CDON: variants seen among roughly 807,000 people sequenced by gnomAD.
CDON encodes cell adhesion associated, oncogene regulated.
A neutral mutation model predicts 120.9 loss-of-function variants in CDON; 73 were observed. That is an observed-to-expected ratio of 0.60 (90% CI 0.50 to 0.73). The LOEUF (loss-of-function observed/expected upper bound fraction) is 0.73. CDON is among the 30% of genes least tolerant of loss of function. The pLI is 0.00. For synonymous variants in CDON, 566 were observed against 573.5 expected, an observed-to-expected ratio of 0.99 and a Z score of 0.19; for missense variants, 1,470 against 1,587.3, an observed-to-expected ratio of 0.93 and a Z score of 1.26.
intron 1 of CDON, among the ~76,000 whole-genome samples, chr11:126,046,823 C>T (rs1948418581): frequency 6.6e-6 from 1 of 152,206 alleles, no homozygotes; most frequent in African/African-American, 2.4e-5. Flanking sequence ...GGTGACCCCA[C>T]TTCTACTCTA....
intron 16 of CDON, among the ~76,000 whole-genome samples, chr11:125,981,747 T>G (rs893134322): frequency 1.6e-4 from 25 of 152,004 alleles, no homozygotes; most frequent in African/African-American, 5.3e-4. Context: ...TAGGAAAAAG[T>G]GCTTAAACTC....
At chr11:126,037,989 GA>G (rs1050249912) in intron 1 of CDON, among the ~76,000 whole-genome samples, 1 of 151,956 alleles carries the variant, frequency 6.6e-6, no homozygotes, top group Non-Finnish European at 1.5e-5. Context: ...AGGAAAGGGG[GA>G]AAAAACAGCA....
Position 126,006,787 on chromosome 11 carries a change from C to A in CDON, c.1553-730G>T, listed in dbSNP as rs1347689359. The stretch of plus-strand genomic sequence containing the variant: ...ATACAGAGGAAGATAAAAATAATTT[C>A]TTTGCACTGAAAAAAAAAATAGGTT... On this transcript the variant is annotated intron_variant, in intron 8 of 19. Coordinates refer to ENST00000531738, the MANE Select transcript of CDON (RefSeq NM_001378964.1). Among the ~76,000 whole-genome samples the A allele has an allele frequency of 4.1e-5, 6 of 148,064 alleles. No individual in the cohort carries two copies. The East Asian group carries it at 6.0e-4, about 15-fold the overall frequency.
intron 10 of CDON, among the ~76,000 whole-genome samples, chr11:126,003,235 G>T (rs1045138765): frequency 6.6e-6 from 1 of 152,144 alleles, no homozygotes; most frequent in Non-Finnish European, 1.5e-5. Flanking sequence ...CATGTAAAAG[G>T]CATTCAATAA....
chr11:126,005,928 C>T lies in CDON; in HGVS notation c.1682G>A (p.Ser561Asn). 1.2e-6 allele frequency: 2 copies of T among 1,614,140 alleles called. No homozygotes were observed. Among genetic ancestry groups the T allele is most frequent in the Non-Finnish European group, 1.7e-6 (2 of 1,180,012 alleles). Residue 561 changes from serine to asparagine, a missense_variant, in exon 9 of 20, where the codon AGT becomes AAT. Ser to Asn is a conservative substitution (Grantham distance 46). Transcript: ENST00000531738. ...LSSFPVKVHP[S>N]AVESAPEKNA... ...TTTCTCTGGTGCTGATTCCACTGCA[C>T]TGGGATGGACCTTCACCGGAAATGA...
chr11:126,011,535 T>C (rs1349812097), intron 7 of CDON, among the ~76,000 whole-genome samples: 2 of 152,250 alleles, frequency 1.3e-5, no homozygotes. Context: ...ATTTTCCTCC[T>C]CTGTGAAATG....
At chr11:126,037,385 C>T (rs1259336282) in intron 1 of CDON, among the ~76,000 whole-genome samples, 2 of 152,106 alleles carry the variant, frequency 1.3e-5, no homozygotes, top group African/African-American at 4.8e-5. Context: ...CAGGCGTGAC[C>T]CACTGCACCC....
At chr11:126,025,974 C>G (rs1041719776) in intron 1 of CDON, among the ~76,000 whole-genome samples, 1 of 152,116 alleles carries the variant, frequency 6.6e-6, no homozygotes, top group African/African-American at 2.4e-5. Flanking sequence ...ACCACAGCAC[C>G]CAATACTCTC....
chr11:125,968,784 T>C (rs1419658209), intron 18 of CDON, among the ~76,000 whole-genome samples: 2 of 152,228 alleles, frequency 1.3e-5, no homozygotes, highest in Non-Finnish European at 2.9e-5. Context: ...CACTGAATCT[T>C]AACTCATAAT....
Position 126,019,689 on chromosome 11 carries a change from C to T in CDON, c.426G>A (p.Arg142=). The part of the protein sequence containing the change: ...EEKSAGFIGC[R]VPESNPKAEV... ...CAGCTTTGGGGTTACTCTCCGGTAC[C>T]CTGCAGCCAATGAAACCAGCACTTT... Residue 142 remains arginine, a synonymous_variant, in exon 4 of 20, where the codon AGG becomes AGA. Transcript: ENST00000531738. The T allele has an allele frequency of 6.2e-7, 1 of 1,614,064 alleles. No homozygotes were observed. Among genetic ancestry groups the T allele is most frequent in the Non-Finnish European group, 8.5e-7 (1 of 1,179,974 alleles).
At position 125,959,179 on chromosome 11, in the gene CDON, G is replaced by A. The variant is rs1945571596; in HGVS notation, c.*1763C>T. The A allele has an allele frequency of 6.6e-6, 1 of 152,128 alleles. No individual in the cohort carries two copies. The highest frequency in any genetic ancestry group is 2.1e-4 in the South Asian group (1 of 4,820). 9.4% of individuals were successfully genotyped at this position (152,128 alleles called of 1,614,324 possible). A position where few individuals can be genotyped will look rare whatever the true frequency, so the allele number is the denominator to read the frequency against. On this transcript the variant is annotated 3_prime_UTR_variant, in exon 20 of 20. Coordinates refer to ENST00000531738, the MANE Select transcript of CDON (RefSeq NM_001378964.1). ...TTAAACAAGCACATTTTCACTAACAGTTCTATTATAAAATATATAGACATA... is the reference window on the plus strand; with the variant it reads ...TTAAACAAGCACATTTTCACTAACAATTCTATTATAAAATATATAGACATA...
intron 9 of CDON, chr11:126,005,318 ACAAACAAAC>A (rs1947086394): frequency 3.9e-5 from 1 of 25,474 alleles, no homozygotes; most frequent in African/African-American, 1.4e-4. Context: ...AAAAAAAAAA[ACAAACAAAC>A]AAACAAAAAA....
At position 126,015,456 on chromosome 11, in the gene CDON, G is replaced by A. The variant is rs897565171; in HGVS notation, c.983C>T (p.Thr328Ile). The A allele has an allele frequency of 1.2e-6, 2 of 1,613,752 alleles. No homozygotes were observed. Among genetic ancestry groups the A allele is most frequent in the Non-Finnish European group, 1.7e-6 (2 of 1,179,774 alleles). Residue 328 changes from threonine to isoleucine, a missense_variant, in exon 7 of 20, where the codon ACA (threonine) becomes ATA (isoleucine). Transcript: ENST00000531738. ...ATGAACGTCGCAGGTAAAGTGTACTGTGGCACCCAGAGACACTATCTGATC... is the reference window on the plus strand; with the variant it reads ...ATGAACGTCGCAGGTAAAGTGTACTATGGCACCCAGAGACACTATCTGATC... ...LQDQIVSLGA[T>I]VHFTCDVHGN...
Position 126,017,207 on chromosome 11 carries a change from C to T in CDON, c.809G>A (p.Arg270Lys), listed in dbSNP as rs190436988. ...ATCAGTGGCAAGATGAGAATACAAC[C>T]TTCTCCAGTTGCTTCCTGGTGCAAT... The part of the protein sequence containing the change: ...QDIAPGSNWR[R>K]LYSHLATDSV... The change falls in exon 6 of 20, where the codon AGG (arginine) becomes AAG (lysine). Residue 270 changes from arginine (R) to lysine (K), a missense_variant. Physicochemically the swap from Arg to Lys is conservative, Grantham distance 26. Transcript: ENST00000531738. 3.1e-6 allele frequency: 5 copies of T among 1,614,042 alleles called. No homozygotes were observed. The highest frequency in any genetic ancestry group is 3.3e-5 in the Admixed American group (2 of 60,004).
chr11:126,049,786 C>T (rs537138412), intron 1 of CDON, among the ~76,000 whole-genome samples: 2 of 152,302 alleles, frequency 1.3e-5, no homozygotes, highest in African/African-American at 4.8e-5. Context: ...TAATCGGCCC[C>T]ATTTTGGGTG....
chr11:125,963,683 T>A (rs1337356303), intron 18 of CDON, among the ~76,000 whole-genome samples: 1 of 152,244 alleles, frequency 6.6e-6, no homozygotes, highest in Non-Finnish European at 1.5e-5. Context: ...ATACTCACTA[T>A]ATAGATAATT....
At position 125,989,698 on chromosome 11, in the gene CDON, C is replaced by A; in HGVS notation, c.2712G>T (p.Met904Ile). ...LQPETSYDIK[M>I]QCFNEGGESE... is the part of the protein sequence containing the mutation. ...TTTCTCCTCCTTCATTGAAGCATTG[C>A]ATTTTAATGTCATAGGAGGTTTCTG... Residue 904 changes from methionine to isoleucine, a missense_variant, in exon 15 of 20, where the codon ATG (methionine) becomes ATT (isoleucine). Coordinates refer to ENST00000531738, the MANE Select transcript of CDON (RefSeq NM_001378964.1). 1.2e-6 allele frequency: 2 copies of A among 1,612,670 alleles called. No individual in the cohort carries two copies. Among genetic ancestry groups the A allele is most frequent in the Non-Finnish European group, 8.5e-7 (1 of 1,178,774 alleles).
intron 1 of CDON, among the ~76,000 whole-genome samples, chr11:126,049,668 T>C (rs1948505698): frequency 1.3e-5 from 2 of 152,120 alleles, no homozygotes; most frequent in African/African-American, 2.4e-5. Context: ...AAAACAGAAA[T>C]AGTTAACAAC....
chr11:125,965,993 C>T (rs537397042), intron 18 of CDON, among the ~76,000 whole-genome samples: 3 of 152,170 alleles, frequency 2.0e-5, no homozygotes, highest in East Asian at 1.9e-4. Flanking sequence ...AAAAATTAGC[C>T]AGGCGTGGTG....
Sources: gnomAD v4.1 joint callset for allele counts (sites outside exome capture counted in the v4.1 genomes callset) on GRCh38, gnomAD v4.1.1 for gene constraint, MANE v1.5 for transcripts, NCBI Gene and HGNC (gene_info 2026-07-23, HGNC 2026-07-21) for gene names.